PCCB: variants seen among roughly 807,000 people sequenced by gnomAD.
PCCB encodes propionyl-CoA carboxylase subunit beta.
A neutral mutation model predicts 60.7 loss-of-function variants in PCCB; 43 were observed. The ratio of observed to expected loss-of-function variants is 0.71; its 90% confidence interval spans 0.55 to 0.91. The LOEUF (loss-of-function observed/expected upper bound fraction) is 0.91, where lower values mean the gene tolerates loss of function less well. PCCB is among the 40% of genes least tolerant of loss of function. The probability of loss-of-function intolerance (pLI) is 0.00; values close to 1 mark genes in which losing one functional copy is unlikely to be tolerated. For synonymous variants in PCCB, 276 were observed against 255.9 expected (o/e 1.08, Z -0.75); for missense variants, 766 against 702.8 (o/e 1.09, Z -1.02).
chr3:136,254,208 C>T (rs148844014), intron 1 of PCCB, among the ~76,000 whole-genome samples: 5 of 151,336 alleles, frequency 3.3e-5, no homozygotes, highest in African/African-American at 4.9e-5. Flanking sequence ...CAAGCAATGG[C>T]GGCTTTTTTT....
At chr3:136,285,673 C>A (rs1055159392) in intron 6 of PCCB, among the ~76,000 whole-genome samples, 37 of 152,236 alleles carry the variant, frequency 2.4e-4, no homozygotes, top group Admixed American at 1.9e-3. Context: ...CATTTCTTCT[C>A]ACAACTCTGA....
chr3:136,326,704 C>A, intron 10 of PCCB, 99 bp from the exon 11 acceptor site: 1 of 880,762 alleles, frequency 1.1e-6, no homozygotes, highest in Non-Finnish European at 1.9e-6. Flanking sequence ...GGTGCCTCCA[C>A]AGAAACCAGC....
At chr3:136,305,746 TAA>T (rs539854504) in intron 9 of PCCB, among the ~76,000 whole-genome samples, 43 of 83,234 alleles carry the variant, frequency 5.2e-4, no homozygotes, top group Admixed American at 8.4e-4. Context: ...AAACTGTCTC[TAA>T]AAAAAAAAAA....
At chr3:136,269,243 A>G (rs1210137674) in intron 5 of PCCB, among the ~76,000 whole-genome samples, 2 of 152,140 alleles carry the variant, frequency 1.3e-5, no homozygotes, top group African/African-American at 4.8e-5. Flanking sequence ...TGGGTGACAG[A>G]GCAAGACTCC....
chr3:136,290,413 A>C (rs945238603), intron 6 of PCCB, among the ~76,000 whole-genome samples: 1 of 152,112 alleles, frequency 6.6e-6, no homozygotes, highest in East Asian at 1.9e-4. Context: ...TTGGTCCTCT[A>C]TAGGCAAAAT....
intron 9 of PCCB, among the ~76,000 whole-genome samples, chr3:136,311,694 T>C (rs1934673847): frequency 2.0e-5 from 3 of 152,086 alleles, no homozygotes; most frequent in Admixed American, 1.3e-4. Context: ...GCATGGTGGC[T>C]CACACCTGTA....
At chr3:136,297,288 G>C (rs1933980687) in intron 7 of PCCB, among the ~76,000 whole-genome samples, 1 of 152,186 alleles carries the variant, frequency 6.6e-6, no homozygotes, top group Non-Finnish European at 1.5e-5. Flanking sequence ...CTGTCTGTCA[G>C]CTTTGTGGAC....
intron 11 of PCCB, 41 bp downstream of exon 11, chr3:136,326,951 C>T (rs757946425): frequency 1.5e-6 from 2 of 1,345,622 alleles, no homozygotes; most frequent in South Asian, 2.3e-5. Context: ...AGTTGCCTTT[C>T]CCAGTAAGGT....
Position 136,326,794 on chromosome 3 carries a change from T to A in PCCB, c.1091-9T>A. The A allele has an allele frequency of 6.4e-7, 1 of 1,559,626 alleles. No individual in the cohort carries two copies. Among genetic ancestry groups the A allele is most frequent in the Non-Finnish European group, 8.8e-7 (1 of 1,130,332 alleles). Reference sequence around the variant, plus strand: ...GGATACTCAGTATGGATAATCTCTCTCTTTCTAGGATGCTTGGATATTAAT... The same window carrying A: ...GGATACTCAGTATGGATAATCTCTCACTTTCTAGGATGCTTGGATATTAAT... On this transcript the variant is annotated splice_polypyrimidine_tract_variant and intron_variant, in intron 10 of 14. Coordinates refer to ENST00000251654, the MANE Select transcript of PCCB (RefSeq NM_000532.5).
rs201751368 is a variant in PCCB at position 136,327,187 on chromosome 3, C to A, written c.1231C>A (p.His411Asn). The change falls in exon 12 of 15, where the codon CAT (histidine) becomes AAT (asparagine). Residue 411 changes from histidine (H) to asparagine (N), a missense_variant. Transcript: ENST00000251654. Reference protein sequence around the residue: ...TAQEYGGIIRHGAKLLYAFAE... With the variant: ...TAQEYGGIIRNGAKLLYAFAE... ...ACAGGAATACGGGGGCATCATCCGG[C>A]ATGGTGCCAAGCTTCTCTACGCATT... is the stretch of plus-strand genomic sequence containing the variant. The A allele has an allele frequency of 1.9e-4, 311 of 1,614,062 alleles. No homozygotes were observed. Among genetic ancestry groups the A allele is most frequent in the Admixed American group, 2.8e-4 (17 of 60,026 alleles).
chr3:136,319,751 A>C (rs1935044356), intron 10 of PCCB, among the ~76,000 whole-genome samples: 1 of 152,108 alleles, frequency 6.6e-6, no homozygotes, highest in Non-Finnish European at 1.5e-5. Context: ...CTTCTGTTGC[A>C]TGTGCTTTTG....
intron 5 of PCCB, among the ~76,000 whole-genome samples, chr3:136,275,926 A>G (rs1942321439): frequency 6.6e-6 from 1 of 152,132 alleles, no homozygotes; most frequent in African/African-American, 2.4e-5. Context: ...GTGCACCACT[A>G]CGCCTGGCTA....
In PCCB at chr3:136,326,903, T is replaced by C. The variant is rs1463737310; in HGVS notation, c.1191T>C (p.Phe397=). ...TCACTTTTGTTGATGTCCCTGGCTT[T>C]CTACCTGGTAAGTTTTTGACAGAGT... The part of the protein sequence containing the change: ...PLITFVDVPG[F]LPGTAQEYGG... The change falls in exon 11 of 15, where the codon TTT becomes TTC. Residue 397 remains phenylalanine (F), a synonymous_variant. Coordinates refer to ENST00000251654, the MANE Select transcript of PCCB (RefSeq NM_000532.5). 4 of 1,604,872 alleles carry C rather than the reference T, an allele frequency of 2.5e-6. No homozygotes were observed. Among genetic ancestry groups the C allele is most frequent in the Non-Finnish European group, 3.4e-6 (4 of 1,171,536 alleles).
chr3:136,313,364 T>C (rs1444837992), intron 9 of PCCB, among the ~76,000 whole-genome samples: 1 of 151,168 alleles, frequency 6.6e-6, no homozygotes, highest in Non-Finnish European at 1.5e-5. Flanking sequence ...GAATAAACTT[T>C]GGTACATCAC....
intron 6 of PCCB, among the ~76,000 whole-genome samples, chr3:136,290,978 A>G (rs1178510609): frequency 6.6e-6 from 1 of 151,948 alleles, no homozygotes; most frequent in Non-Finnish European, 1.5e-5. Context: ...TTCCTCAAGC[A>G]TGCCCAGTCT....
chr3:136,256,317 T>C (rs1337830669), intron 2 of PCCB: 2 of 584,786 alleles, frequency 3.4e-6, no homozygotes, highest in Non-Finnish European at 6.1e-6. Context: ...GTTTTGCTTT[T>C]AGGAGGGTAC....
At chr3:136,295,620 T>G (rs1471689356) in intron 7 of PCCB, among the ~76,000 whole-genome samples, 1 of 152,242 alleles carries the variant, frequency 6.6e-6, no homozygotes, top group African/African-American at 2.4e-5. Context: ...TGATGAAATA[T>G]GCTGTTTATT....
chr3:136,281,873 G>T (rs1454008549), intron 5 of PCCB, among the ~76,000 whole-genome samples: 1 of 152,102 alleles, frequency 6.6e-6, no homozygotes, highest in Non-Finnish European at 1.5e-5. Flanking sequence ...TGAAATTTTA[G>T]TTCTCTTATC....
chr3:136,322,741 C>T lies in PCCB; in HGVS notation c.1091-4062C>T, dbSNP rs531268778. ...ACCGTCTAGTGTTCTTTTCTTTTAACCTGAAGGGCTTCCTTTAGCATTTTT... is the reference window on the plus strand; with the variant it reads ...ACCGTCTAGTGTTCTTTTCTTTTAATCTGAAGGGCTTCCTTTAGCATTTTT... On this transcript the variant is annotated intron_variant, in intron 10 of 14. Coordinates refer to ENST00000251654, the MANE Select transcript of PCCB (RefSeq NM_000532.5). 1.4e-4 allele frequency among the ~76,000 whole-genome samples: 21 copies of T among 152,200 alleles called. No individual in the cohort carries two copies. In the South Asian group the frequency reaches 4.1e-3, roughly 30 times the overall value.
Sources: allele counts gnomAD v4.1 joint callset (sites outside exome capture counted in the v4.1 genomes callset), GRCh38; gene constraint gnomAD v4.1.1; transcripts MANE v1.5; gene names NCBI Gene and HGNC (gene_info 2026-07-23, HGNC 2026-07-21).